The following ENTREP2 variants were observed in gnomAD, a reference collection of about 807,000 sequenced individuals.
ENTREP2 encodes endosomal transmembrane epsin interactor 2.
chr15:29,426,844 C>T, the ENTREP2 span, among the ~76,000 whole-genome samples: 1 of 152,164 alleles, frequency 6.6e-6, no homozygotes, highest in Non-Finnish European at 1.5e-5. Flanking sequence ...CTTCAAAATG[C>T]TATGCACACT....
the ENTREP2 span, among the ~76,000 whole-genome samples, chr15:29,119,232 T>G: frequency 2.6e-5 from 4 of 152,346 alleles, no homozygotes; most frequent in African/African-American, 9.6e-5. Context: ...GCTGCGTATA[T>G]GCCGAAATGT....
chr15:29,121,485 GC>G, the ENTREP2 span: 3 of 152,350 alleles, frequency 2.0e-5, no homozygotes, highest in African/African-American at 7.2e-5. Flanking sequence ...CGTGGCCCCA[GC>G]GCACCTCAGA....
At chr15:29,325,369 G>C in the ENTREP2 span, among the ~76,000 whole-genome samples, 3 of 151,922 alleles carry the variant, frequency 2.0e-5, no homozygotes, top group East Asian at 1.9e-4. Flanking sequence ...AAAAATAATA[G>C]AGAAAATTAG....
the ENTREP2 span, among the ~76,000 whole-genome samples, chr15:29,133,763 C>T: frequency 6.6e-6 from 1 of 152,194 alleles, no homozygotes; most frequent in African/African-American, 2.4e-5. Flanking sequence ...TCCCAGGCCC[C>T]AGTGACAGCG....
the ENTREP2 span, among the ~76,000 whole-genome samples, chr15:29,452,209 C>G: frequency 1.6e-3 from 247 of 152,288 alleles, 1 homozygote; most frequent in South Asian, 9.7e-3. Context: ...CCACAACCAT[C>G]TGCTTTCTCA....
the ENTREP2 span, among the ~76,000 whole-genome samples, chr15:29,439,080 G>C: frequency 2.0e-5 from 3 of 152,130 alleles, no homozygotes; most frequent in Non-Finnish European, 4.4e-5. Context: ...ATAGAGCATA[G>C]AAGCAATGAT....
the ENTREP2 span, among the ~76,000 whole-genome samples, chr15:29,509,476 G>A: frequency 6.6e-6 from 1 of 152,018 alleles, no homozygotes; most frequent in African/African-American, 2.4e-5. Flanking sequence ...CAAAGCTGGA[G>A]GGCATCACGC....
At chr15:29,267,894 G>A in the ENTREP2 span, 1 of 152,148 alleles carries the variant, frequency 6.6e-6, no homozygotes. Flanking sequence ...ACTAGTTATG[G>A]TGGGGCCAGG....
the ENTREP2 span, among the ~76,000 whole-genome samples, chr15:29,270,270 G>T: frequency 6.6e-6 from 1 of 152,156 alleles, no homozygotes; most frequent in Non-Finnish European, 1.5e-5. Context: ...CCATCCCACT[G>T]CCCCCAGTTA....
At chr15:29,490,299 AGTATTACAGCTCTTGAAG>A in the ENTREP2 span, among the ~76,000 whole-genome samples, 1 of 152,194 alleles carries the variant, frequency 6.6e-6, no homozygotes, top group Non-Finnish European at 1.5e-5. Flanking sequence ...CTTCGCTGTG[AGTATTACAGCTCTTGAAG>A]GTAATACAGA....
At chr15:29,189,101 T>C in the ENTREP2 span, among the ~76,000 whole-genome samples, 2 of 152,184 alleles carry the variant, frequency 1.3e-5, no homozygotes, top group East Asian at 3.8e-4. Flanking sequence ...TGTGAGCCAC[T>C]CTAGCAATTC....
chr15:29,591,896 A>AG, the ENTREP2 span, among the ~76,000 whole-genome samples: 1 of 143,076 alleles, frequency 7.0e-6, no homozygotes, highest in Admixed American at 6.9e-5. Context: ...AAGAAGAAGA[A>AG]GAGAGAAAAC....
the ENTREP2 span, among the ~76,000 whole-genome samples, chr15:29,491,963 A>G: frequency 6.6e-6 from 1 of 152,190 alleles, no homozygotes; most frequent in South Asian, 2.1e-4. Flanking sequence ...TGAAAAGCTC[A>G]AACACTCAGG....
chr15:29,419,010 A>T, the ENTREP2 span, among the ~76,000 whole-genome samples: 1 of 152,206 alleles, frequency 6.6e-6, no homozygotes. Flanking sequence ...GTAATTAGGA[A>T]ACACAAGAGA....
chr15:29,334,758 G>A, the ENTREP2 span, among the ~76,000 whole-genome samples: 1 of 152,138 alleles, frequency 6.6e-6, no homozygotes, highest in Admixed American at 6.5e-5. Flanking sequence ...TCTGGGACAC[G>A]GGAGGCTGAG....
chr15:29,518,912 G>A, the ENTREP2 span, among the ~76,000 whole-genome samples: 1 of 152,120 alleles, frequency 6.6e-6, no homozygotes, highest in Non-Finnish European at 1.5e-5. Context: ...AAGAGGAACT[G>A]CTAACTCTTT....
chr15:29,167,591 GA>G, the ENTREP2 span, among the ~76,000 whole-genome samples: 5,754 of 152,236 alleles, frequency 0.038, 339 homozygotes, highest in African/African-American at 0.13. Flanking sequence ...AATGATCAGG[GA>G]AATGCAAATC....
chr15:29,538,889 G>A, the ENTREP2 span, among the ~76,000 whole-genome samples: 1 of 151,962 alleles, frequency 6.6e-6, no homozygotes, highest in Non-Finnish European at 1.5e-5. Context: ...GTTCCTCCTT[G>A]GTCTAACACC....
At chr15:29,327,438 C>CA in the ENTREP2 span, among the ~76,000 whole-genome samples, 80 of 151,686 alleles carry the variant, frequency 5.3e-4, no homozygotes, top group African/African-American at 1.9e-3. Flanking sequence ...ACTAAAAATA[C>CA]AAAAAAATTA....
Sources: gnomAD v4.1 joint callset for allele counts (sites outside exome capture counted in the v4.1 genomes callset) on GRCh38, gnomAD v4.1.1 for gene constraint, MANE v1.5 for transcripts, NCBI Gene and HGNC (gene_info 2026-07-23, HGNC 2026-07-21) for gene names.